The following EPS15 variants were observed in gnomAD, a reference collection of about 807,000 sequenced individuals.
EPS15 encodes epidermal growth factor receptor substrate 15.
In EPS15, 72 loss-of-function variants were observed where a neutral mutation model predicts 113.8. The observed-to-expected ratio is 0.63, with a 90% confidence interval of 0.52 to 0.77. The LOEUF (loss-of-function observed/expected upper bound fraction) is 0.77. Ranked by LOEUF, EPS15 falls within the 30% of genes least tolerant of loss-of-function variation. The probability of loss-of-function intolerance (pLI) is 0.00; values close to 1 mark genes in which losing one functional copy is unlikely to be tolerated. For synonymous variants in EPS15, 344 were observed against 363.4 expected (o/e 0.95, Z 0.61); for missense variants, 1,048 against 1,045.8 (o/e 1.00, Z -0.03).
rs1187313720 is a variant in EPS15 at position 51,515,538 on chromosome 1, T to C, written c.33+3661A>G. Among the ~76,000 whole-genome samples the C allele has an allele frequency of 2.0e-5, 3 of 152,242 alleles. 1 individual carries two copies. Among genetic ancestry groups the C allele is most frequent in the South Asian group, 4.1e-4 (2 of 4,832 alleles). On this transcript the variant is annotated intron_variant, in intron 1 of 24. Coordinates refer to ENST00000371733, the MANE Select transcript of EPS15 (RefSeq NM_001981.3). ...GCAAGAAAACCAGTATAAAGCTGAA[T>C]TGCTAAAAGACTATTTTAAATATTC...
intron 10 of EPS15, among the ~76,000 whole-genome samples, chr1:51,446,273 T>C (rs188730498): frequency 9.2e-5 from 14 of 152,312 alleles, no homozygotes; most frequent in Non-Finnish European, 2.1e-4. Context: ...GTTATTCCTA[T>C]GTGAAGGTAT....
chr1:51,462,154 G>C (rs1483710771), intron 7 of EPS15: 1 of 152,224 alleles, frequency 6.6e-6, no homozygotes, highest in Non-Finnish European at 1.5e-5. Flanking sequence ...CCTGAGGTCA[G>C]GAGTTCAAGA....
At chr1:51,385,703 T>G (rs938430427) in intron 21 of EPS15, among the ~76,000 whole-genome samples, 1 of 152,168 alleles carries the variant, frequency 6.6e-6, no homozygotes, top group Non-Finnish European at 1.5e-5. Context: ...ATACATATAA[T>G]AGAATATTAT....
chr1:51,357,807 T>C (rs1283498307), intron 24 of EPS15, among the ~76,000 whole-genome samples: 1 of 151,434 alleles, frequency 6.6e-6, no homozygotes, highest in Non-Finnish European at 1.5e-5. Context: ...TGGAGCAATC[T>C]TGGCTCACCA....
At chr1:51,415,254 ACTT>A (rs1417305356) in intron 13 of EPS15, among the ~76,000 whole-genome samples, 1 of 152,194 alleles carries the variant, frequency 6.6e-6, no homozygotes, top group African/African-American at 2.4e-5. Flanking sequence ...TATAATATTT[ACTT>A]CTTTCTGCCC....
chr1:51,484,112 C>A (rs10788935), intron 1 of EPS15, among the ~76,000 whole-genome samples: 5 of 152,074 alleles, frequency 3.3e-5, no homozygotes, highest in South Asian at 4.2e-4. Context: ...CCCTGTCTCT[C>A]AAAAAAAAGT....
At chr1:51,411,908 G>A (rs1011998433) in intron 13 of EPS15, among the ~76,000 whole-genome samples, 69 of 152,238 alleles carry the variant, frequency 4.5e-4, no homozygotes, top group Non-Finnish European at 2.1e-4. Flanking sequence ...ACATGCACAC[G>A]TATGTTTATT....
chr1:51,438,923 T>G (rs1652370682), intron 12 of EPS15, among the ~76,000 whole-genome samples: 1 of 152,032 alleles, frequency 6.6e-6, no homozygotes, highest in Admixed American at 6.6e-5. Context: ...CACCACGAAG[T>G]GTTTTTTGCC....
Position 51,408,269 on chromosome 1 carries a change from ATTC to A in EPS15, c.1336_1338del (p.Glu446del), listed in dbSNP as rs765513162. On this transcript the variant is annotated inframe_deletion, in exon 15 of 25. Transcript: ENST00000371733. ...CTCAGCTCTTCTCTAGCTTTTGCCA[ATTC>A]TTCTTCGTAAGTGGAGATCTGCGAT... The A allele has an allele frequency of 1.9e-6, 3 of 1,613,910 alleles. No individual in the cohort carries two copies. Among genetic ancestry groups the A allele is most frequent in the East Asian group, 2.2e-5 (1 of 44,876 alleles).
At chr1:51,457,917 G>A (rs1159180784) in intron 8 of EPS15, 1 of 152,020 alleles carries the variant, frequency 6.6e-6, no homozygotes, top group Non-Finnish European at 1.5e-5. Context: ...GTAAGAAACA[G>A]AGAAAATAAA....
intron 20 of EPS15, among the ~76,000 whole-genome samples, chr1:51,397,417 A>C (rs1648058362): frequency 6.6e-6 from 1 of 152,214 alleles, no homozygotes; most frequent in Non-Finnish European, 1.5e-5. Flanking sequence ...GAAAAATCTC[A>C]TGGGGGACAG....
intron 4 of EPS15, among the ~76,000 whole-genome samples, chr1:51,470,181 G>A (rs984987198): frequency 6.6e-6 from 1 of 152,114 alleles, no homozygotes; most frequent in Non-Finnish European, 1.5e-5. Context: ...ATAGTTGTGA[G>A]GCCAAGGGCA....
intron 12 of EPS15, among the ~76,000 whole-genome samples, chr1:51,424,945 T>G (rs776757173): frequency 6.6e-6 from 1 of 152,080 alleles, no homozygotes; most frequent in Non-Finnish European, 1.5e-5. Context: ...GTGAGCATTT[T>G]GCCCAAACCA....
At chr1:51,461,244 G>A in intron 7 of EPS15, 94 bp from the exon 8 acceptor site, 3 of 890,850 alleles carry the variant, frequency 3.4e-6, no homozygotes, top group Non-Finnish European at 5.6e-6. Flanking sequence ...TAGGAATGGT[G>A]GCTCATGCCC....
At chr1:51,455,471 T>C (rs993353350) in intron 8 of EPS15, among the ~76,000 whole-genome samples, 6 of 151,780 alleles carry the variant, frequency 4.0e-5, no homozygotes, top group African/African-American at 1.5e-4. Flanking sequence ...GCACCTGTAA[T>C]CCCAGCTACT....
chr1:51,357,426 AT>A (rs570842498), intron 24 of EPS15, among the ~76,000 whole-genome samples: 2,560 of 53,302 alleles, frequency 0.048, 62 homozygotes, highest in Middle Eastern at 0.062. Context: ...ATATATATAT[AT>A]TTTTTTTTTT....
intron 1 of EPS15, among the ~76,000 whole-genome samples, chr1:51,493,678 G>A (rs970451032): frequency 3.3e-5 from 5 of 151,114 alleles, no homozygotes; most frequent in Non-Finnish European, 5.9e-5. Flanking sequence ...GAGTGCAATG[G>A]CACGATCTCG....
chr1:51,398,767 C>T (rs1648222508), intron 20 of EPS15, among the ~76,000 whole-genome samples: 1 of 151,980 alleles, frequency 6.6e-6, no homozygotes, highest in Admixed American at 6.5e-5. Flanking sequence ...TTTTAGTATC[C>T]TCAATAGGAT....
At position 51,354,281 on chromosome 1, in the gene EPS15, AT is replaced by A. The variant is rs1646169199; in HGVS notation, c.*2418del. Reference sequence around the variant, plus strand: ...CCAAAAATAATAGTTTACATTTATTATTTATTCTATACCAGGTGCTGTCCCA... The same window carrying A: ...CCAAAAATAATAGTTTACATTTATTATTATTCTATACCAGGTGCTGTCCCA... On this transcript the variant is annotated 3_prime_UTR_variant, in exon 25 of 25. Coordinates refer to ENST00000371733, the MANE Select transcript of EPS15 (RefSeq NM_001981.3). 1 of 176,098 alleles carries A rather than the reference AT, an allele frequency of 5.7e-6. No homozygotes were observed. The highest frequency in any genetic ancestry group is 1.2e-5 in the Non-Finnish European group (1 of 81,706). 10.9% of individuals were successfully genotyped at this position (176,098 alleles called of 1,614,324 possible). A position where few individuals can be genotyped will look rare whatever the true frequency, so the allele number is the denominator to read the frequency against.
Sources: allele counts gnomAD v4.1 joint callset (sites outside exome capture counted in the v4.1 genomes callset), GRCh38; gene constraint gnomAD v4.1.1; transcripts MANE v1.5; gene names NCBI Gene and HGNC (gene_info 2026-07-23, HGNC 2026-07-21).